Variants in DTNB observed in about 807,000 individuals in gnomAD.
DTNB encodes DTN-B.
Under a neutral mutation model 90.7 loss-of-function variants are expected in DTNB, and 63 were observed. The observed-to-expected ratio is 0.69, with a 90% confidence interval of 0.57 to 0.86. DTNB has a LOEUF of 0.86. Among genes scored for constraint, DTNB ranks in the 40% least tolerant of loss-of-function variants. DTNB has a pLI of 0.00. For synonymous variants in DTNB, 277 were observed against 286.7 expected, an observed-to-expected ratio of 0.97 and a Z score of 0.34; for missense variants, 744 against 807.1, an observed-to-expected ratio of 0.92 and a Z score of 0.95.
At chr2:25,569,478 T>C (rs142682102) in intron 8 of DTNB, among the ~76,000 whole-genome samples, 1 of 152,308 alleles carries the variant, frequency 6.6e-6, no homozygotes, top group East Asian at 1.9e-4. Flanking sequence ...CTAATCAGAC[T>C]GGTTGGTTTT....
intron 8 of DTNB, among the ~76,000 whole-genome samples, chr2:25,536,584 C>G (rs182930680): frequency 2.6e-5 from 4 of 151,932 alleles, no homozygotes; most frequent in South Asian, 4.2e-4. Context: ...TGCCTGGAAT[C>G]CCAGGCACTC....
At chr2:25,593,790 G>A (rs965569379) in intron 6 of DTNB, among the ~76,000 whole-genome samples, 1 of 152,116 alleles carries the variant, frequency 6.6e-6, no homozygotes, top group Non-Finnish European at 1.5e-5. Flanking sequence ...TACTAACGTT[G>A]CAATTAAATT....
At chr2:25,442,923 A>C (rs1232977718) in intron 12 of DTNB, among the ~76,000 whole-genome samples, 1 of 152,236 alleles carries the variant, frequency 6.6e-6, no homozygotes, top group Non-Finnish European at 1.5e-5. Context: ...AGGGTTATAA[A>C]TACAGATGGC....
At chr2:25,400,846 T>C (rs1300206321) in intron 16 of DTNB, among the ~76,000 whole-genome samples, 9 of 152,136 alleles carry the variant, frequency 5.9e-5, no homozygotes, top group East Asian at 1.9e-4. Context: ...TGTATAACAG[T>C]TGGAAACAAT....
chr2:25,513,107 A>T (rs1158596983), intron 9 of DTNB, among the ~76,000 whole-genome samples: 2 of 152,260 alleles, frequency 1.3e-5, no homozygotes, highest in East Asian at 1.9e-4. Flanking sequence ...TTCTAAACTC[A>T]GGCACCAGTC....
chr2:25,630,152 C>G (rs1054264231), intron 3 of DTNB, among the ~76,000 whole-genome samples: 2 of 152,282 alleles, frequency 1.3e-5, no homozygotes, highest in African/African-American at 2.4e-5. Flanking sequence ...CATCATTAGT[C>G]ATTTAGGGAA....
At chr2:25,533,602 A>C (rs1296195909) in intron 8 of DTNB, among the ~76,000 whole-genome samples, 1 of 152,194 alleles carries the variant, frequency 6.6e-6, no homozygotes, top group Non-Finnish European at 1.5e-5. Flanking sequence ...TTTTCCATAC[A>C]AAAGCTTTCA....
intron 9 of DTNB, among the ~76,000 whole-genome samples, chr2:25,490,938 G>C (rs927178920): frequency 6.6e-6 from 1 of 151,946 alleles, no homozygotes; most frequent in Non-Finnish European, 1.5e-5. Flanking sequence ...CAAATGTTAA[G>C]ATAAGTGGAA....
intron 7 of DTNB, among the ~76,000 whole-genome samples, 164 bp downstream of exon 7, chr2:25,580,557 T>A (rs1044759039): frequency 2.0e-4 from 31 of 151,318 alleles, no homozygotes; most frequent in Non-Finnish European, 3.4e-4. Flanking sequence ...CTCCCTTTTT[T>A]AAAAAAAAAT....
chr2:25,381,375 T>C (rs1272495083), intron 19 of DTNB, among the ~76,000 whole-genome samples: 1 of 152,174 alleles, frequency 6.6e-6, no homozygotes, highest in Non-Finnish European at 1.5e-5. Context: ...TGCTCTCTAA[T>C]GTGACCTTTT....
intron 3 of DTNB, among the ~76,000 whole-genome samples, chr2:25,629,925 G>C (rs1414526593): frequency 1.3e-5 from 2 of 151,990 alleles, no homozygotes; most frequent in African/African-American, 4.8e-5. Flanking sequence ...TGTTTCAAAG[G>C]ATACTATCAA....
intron 10 of DTNB, 84 bp from the exon 11 acceptor site, chr2:25,455,578 T>G (rs1207549098): frequency 4.2e-6 from 5 of 1,191,672 alleles, no homozygotes; most frequent in Middle Eastern, 1.9e-4. Context: ...ATGAGCAAAC[T>G]TCAAAGAAAA....
chr2:25,388,525 G>A (rs1165561714), intron 16 of DTNB, 164 bp from the exon 17 acceptor site: 23 of 977,796 alleles, frequency 2.4e-5, no homozygotes, highest in Non-Finnish European at 3.0e-5. Flanking sequence ...CAAGACTGGA[G>A]AGAGGAAGAA....
chr2:25,443,012 A>G (rs773269386), intron 12 of DTNB, among the ~76,000 whole-genome samples: 4 of 152,234 alleles, frequency 2.6e-5, no homozygotes, highest in Non-Finnish European at 5.9e-5. Flanking sequence ...GAGGAAAAAG[A>G]CTTCTCAAAT....
At chr2:25,662,032 T>A (rs573851877) in intron 1 of DTNB, among the ~76,000 whole-genome samples, 6 of 152,060 alleles carry the variant, frequency 3.9e-5, no homozygotes, top group African/African-American at 1.4e-4. Flanking sequence ...CGTGGGCGCC[T>A]GTAGTCCCAG....
chr2:25,433,920 T>G lies in DTNB; in HGVS notation c.1333A>C (p.Asn445His). 6.2e-7 allele frequency: 1 copy of G among 1,613,898 alleles called. No individual in the cohort carries two copies. The highest frequency in any genetic ancestry group is 1.7e-5 in the Admixed American group (1 of 60,012). Residue 445 changes from asparagine (N) to histidine (H), a missense_variant, in exon 13 of 21, where the codon AAC (asparagine) becomes CAC (histidine). Physicochemically the swap from Asn to His is moderately conservative, Grantham distance 68. Transcript: ENST00000406818. ...CCTCTGCGTTCTTACCTGTTTTTGT[T>G]TTCCAGTTCTGCAATAAGCTGTCTT... ...QQRQLIAELE[N>H]KNREILQEIQ...
intron 12 of DTNB, among the ~76,000 whole-genome samples, chr2:25,450,661 C>T (rs753745630): frequency 1.3e-5 from 2 of 152,164 alleles, no homozygotes; most frequent in East Asian, 3.8e-4. Context: ...AATATTAAAT[C>T]TTTTAATCCA....
intron 9 of DTNB, among the ~76,000 whole-genome samples, chr2:25,528,715 A>G (rs2077606625): frequency 6.6e-6 from 1 of 152,248 alleles, no homozygotes; most frequent in Non-Finnish European, 1.5e-5. Flanking sequence ...ATCGAATTGT[A>G]CACTTAAAGT....
chr2:25,520,107 G>T (rs776392828), intron 9 of DTNB, among the ~76,000 whole-genome samples: 1 of 152,200 alleles, frequency 6.6e-6, no homozygotes, highest in Non-Finnish European at 1.5e-5. Flanking sequence ...TTGTAGGCTA[G>T]GGGCAGTGGC....
Sources: allele counts gnomAD v4.1 joint callset (sites outside exome capture counted in the v4.1 genomes callset), GRCh38; gene constraint gnomAD v4.1.1; transcripts MANE v1.5; gene names NCBI Gene and HGNC (gene_info 2026-07-23, HGNC 2026-07-21).